CORIN: variants seen among roughly 807,000 people sequenced by gnomAD.
CORIN encodes corin, serine peptidase.
Under a neutral mutation model 125.3 loss-of-function variants are expected in CORIN, and 117 were observed. That is an observed-to-expected ratio of 0.93 (90% CI 0.80 to 1.09). The LOEUF (loss-of-function observed/expected upper bound fraction) is 1.09. CORIN is among the 50% of genes least tolerant of loss of function. CORIN has a pLI of 0.00. For missense variants in CORIN, 1,253 were observed against 1,306.7 expected, an observed-to-expected ratio of 0.96 and a Z score of 0.63; for synonymous variants, 450 against 466.4, an observed-to-expected ratio of 0.96 and a Z score of 0.45.
chr4:47,618,606 T>A (rs1191538108), intron 19 of CORIN, among the ~76,000 whole-genome samples: 1 of 151,718 alleles, frequency 6.6e-6, no homozygotes, highest in African/African-American at 2.4e-5. Flanking sequence ...GATCACAAGG[T>A]CAGGAGATCG....
rs769697200 is a variant in CORIN at position 47,594,085 on chromosome 4, C to G, written c.*1636G>C. 1.3e-5 allele frequency: 2 copies of G among 151,670 alleles called. No homozygotes were observed. Among genetic ancestry groups the G allele is most frequent in the Non-Finnish European group, 2.9e-5 (2 of 67,922 alleles). The allele number at this position is 151,670 out of a possible 1,614,324, so 9.4% of individuals were successfully genotyped here. The stretch of plus-strand genomic sequence containing the variant: ...TTTCACTGAGCCTAAGTTGAGCAGG[C>G]TAAAAGTTGATACATTGAGTATGTA... On this transcript the variant is annotated 3_prime_UTR_variant, in exon 22 of 22. Coordinates refer to ENST00000273857, the MANE Select transcript of CORIN (RefSeq NM_006587.4).
At position 47,632,757 on chromosome 4, in the gene CORIN, A is replaced by AGATGATAGATAGATAGATAGAT. The variant is rs199867243; in HGVS notation, c.2199-6237_2199-6236insATCTATCTATCTATCTATCATC. On this transcript the variant is annotated intron_variant, in intron 16 of 21. Coordinates refer to ENST00000273857, the MANE Select transcript of CORIN (RefSeq NM_006587.4). ...TAGATAGATAGATAGATAGATAGATAGATAGATAGAGATAGATAGTTAGAT... is the reference window on the plus strand; with the variant it reads ...TAGATAGATAGATAGATAGATAGATAGATGATAGATAGATAGATAGATGATAGATAGAGATAGATAGTTAGAT... Among the ~76,000 whole-genome samples, 9 of 136,912 alleles carry AGATGATAGATAGATAGATAGAT rather than the reference A, an allele frequency of 6.6e-5. No homozygotes were observed. The East Asian group carries it at 1.8e-3, about 27-fold the overall frequency. The allele number at this position is 136,912 out of a possible 152,430, so 89.8% of individuals were successfully genotyped here.
intron 5 of CORIN, among the ~76,000 whole-genome samples, chr4:47,717,620 A>T (rs1223952834): frequency 6.6e-6 from 1 of 152,160 alleles, no homozygotes; most frequent in Non-Finnish European, 1.5e-5. Context: ...TTATATTTTT[A>T]AATCTAATGC....
intron 5 of CORIN, among the ~76,000 whole-genome samples, chr4:47,721,737 G>T (rs1727359570): frequency 6.6e-6 from 1 of 152,134 alleles, no homozygotes; most frequent in South Asian, 2.1e-4. Context: ...GAGTAAATAA[G>T]AACATGTATC....
At chr4:47,670,599 G>A (rs73142033) in intron 10 of CORIN, among the ~76,000 whole-genome samples, 30 of 152,300 alleles carry the variant, frequency 2.0e-4, no homozygotes, top group African/African-American at 6.3e-4. Context: ...AAAGGTTGAC[G>A]AACACTGTGG....
chr4:47,705,684 C>T (rs1382168649), intron 5 of CORIN, among the ~76,000 whole-genome samples: 5 of 152,120 alleles, frequency 3.3e-5, no homozygotes, highest in East Asian at 3.8e-4. Context: ...ATGAAAAATA[C>T]GTAGCCTGAC....
chr4:47,776,404 G>A (rs1482887721), intron 3 of CORIN, among the ~76,000 whole-genome samples: 5 of 152,054 alleles, frequency 3.3e-5, no homozygotes, highest in Non-Finnish European at 5.9e-5. Context: ...CGTGTGGTAT[G>A]AGCCACCACA....
intron 3 of CORIN, among the ~76,000 whole-genome samples, chr4:47,772,264 G>T (rs1169949360): frequency 6.6e-6 from 1 of 152,152 alleles, no homozygotes; most frequent in Non-Finnish European, 1.5e-5. Flanking sequence ...ACACAGTGAG[G>T]GGTCAAGGTA....
At chr4:47,757,457 G>A (rs182417241) in intron 4 of CORIN, among the ~76,000 whole-genome samples, 7 of 152,026 alleles carry the variant, frequency 4.6e-5, no homozygotes, top group East Asian at 3.9e-4. Context: ...AGCCAGGCGC[G>A]GTGGTGGGCG....
At position 47,775,057 on chromosome 4, in the gene CORIN, G is replaced by A. The variant is rs533789511; in HGVS notation, c.410-11471C>T. 3.9e-5 allele frequency among the ~76,000 whole-genome samples: 6 copies of A among 152,288 alleles called. No homozygotes were observed. In the East Asian group the frequency reaches 1.2e-3, roughly 29 times the overall value. ...TAATGTATACTCAAAACTTTGTTAA[G>A]AAGTTAGATTTCATGTTTTCTTTTT... On this transcript the variant is annotated intron_variant, in intron 3 of 21. Transcript: ENST00000273857.
chr4:47,649,647 G>A (rs1226293948), intron 13 of CORIN, among the ~76,000 whole-genome samples: 1 of 152,234 alleles, frequency 6.6e-6, no homozygotes, highest in African/African-American at 2.4e-5. Flanking sequence ...CTAAGGCTAA[G>A]TAAGGATGTA....
At chr4:47,780,094 T>C (rs982143473) in intron 3 of CORIN, among the ~76,000 whole-genome samples, 5 of 152,156 alleles carry the variant, frequency 3.3e-5, no homozygotes, top group Non-Finnish European at 5.9e-5. Context: ...TTAGTCATTA[T>C]AACAATAGAT....
At chr4:47,687,846 C>T (rs1186704944) in intron 6 of CORIN, among the ~76,000 whole-genome samples, 1 of 152,180 alleles carries the variant, frequency 6.6e-6, no homozygotes, top group Non-Finnish European at 1.5e-5. Flanking sequence ...ATGAGAAGAA[C>T]CAGGCTTCTT....
rs538656515 is a variant in CORIN at position 47,769,467 on chromosome 4, G to A, written c.410-5881C>T. Among the ~76,000 whole-genome samples, 4 of 152,062 alleles carry A rather than the reference G, an allele frequency of 2.6e-5. No homozygotes were observed. The South Asian group carries it at 8.3e-4, about 32-fold the overall frequency. ...TTCATACTACCCAAAGTGATCTACA[G>A]ATTCAGTGCAATCCCTATTATAATT... On this transcript the variant is annotated intron_variant, in intron 3 of 21. Coordinates refer to ENST00000273857, the MANE Select transcript of CORIN (RefSeq NM_006587.4).
At chr4:47,710,565 G>A (rs190787104) in intron 5 of CORIN, among the ~76,000 whole-genome samples, 1 of 152,306 alleles carries the variant, frequency 6.6e-6, no homozygotes, top group African/African-American at 2.4e-5. Flanking sequence ...CAGCCAGGCT[G>A]GCCTCACAGG....
At chr4:47,641,525 C>T (rs982741095) in intron 16 of CORIN, among the ~76,000 whole-genome samples, 1 of 150,970 alleles carries the variant, frequency 6.6e-6, no homozygotes, top group Non-Finnish European at 1.5e-5. Flanking sequence ...AACAGAAATG[C>T]CAGCAACTTC....
At chr4:47,622,216 G>GT (rs548507370) in intron 19 of CORIN, among the ~76,000 whole-genome samples, 2 of 152,138 alleles carry the variant, frequency 1.3e-5, no homozygotes, top group African/African-American at 4.8e-5. Context: ...TCTATGGTGT[G>GT]TATGTGCTAC....
chr4:47,815,487 T>C (rs775826149), intron 1 of CORIN, among the ~76,000 whole-genome samples: 13 of 152,114 alleles, frequency 8.5e-5, no homozygotes, highest in Non-Finnish European at 1.5e-4. Context: ...GTAATAGTTA[T>C]AGAAGATGAT....
chr4:47,740,012 A>G (rs906127501), intron 5 of CORIN, among the ~76,000 whole-genome samples: 3 of 151,980 alleles, frequency 2.0e-5, no homozygotes, highest in Admixed American at 2.0e-4. Context: ...ATGAAGGATC[A>G]AGAAATACAA....
Sources: gnomAD v4.1 joint callset for allele counts (sites outside exome capture counted in the v4.1 genomes callset) on GRCh38, gnomAD v4.1.1 for gene constraint, MANE v1.5 for transcripts, NCBI Gene and HGNC (gene_info 2026-07-23, HGNC 2026-07-21) for gene names.